EPS8: variants seen among roughly 807,000 people sequenced by gnomAD.
The protein encoded by EPS8 is EGFR pathway substrate 8, signaling adaptor, also known as epidermal growth factor receptor kinase substrate 8.
Under a neutral mutation model 103.8 loss-of-function variants are expected in EPS8, and 42 were observed. The observed-to-expected ratio is 0.40, with a 90% CI of 0.32 to 0.52. The LOEUF is 0.52. EPS8 is among the 20% of genes least tolerant of loss of function. The pLI is 0.40. For synonymous variants in EPS8, 344 were observed against 344.6 expected, an observed-to-expected ratio of 1.00 and a Z score of 0.02; for missense variants, 969 against 1,005.1, an observed-to-expected ratio of 0.96 and a Z score of 0.49.
chr12:15,665,831 G>A lies in EPS8; in HGVS notation c.661C>T (p.Pro221Ser), dbSNP rs1945698532. The change falls in exon 8 of 21, where the codon CCT becomes TCT. Residue 221 changes from proline (P) to serine (S), a missense_variant. Coordinates refer to ENST00000281172, the MANE Select transcript of EPS8 (RefSeq NM_004447.6). ...ACATCCACCTGGGTGACGGTCCCAG[G>A]GGGCGCAGGGGCAGGAGCTCTGGGT... Reference protein sequence around the residue: ...PPPRAPAPAPPGTVTQVDVRS... With the variant: ...PPPRAPAPAPSGTVTQVDVRS... 3.1e-6 allele frequency: 5 copies of A among 1,613,946 alleles called. No individual in the cohort carries two copies. Among genetic ancestry groups the A allele is most frequent in the African/African-American group, 2.7e-5 (2 of 75,048 alleles).
At chr12:15,775,066 G>A (rs1947194608) in intron 1 of EPS8, among the ~76,000 whole-genome samples, 1 of 152,106 alleles carries the variant, frequency 6.6e-6, no homozygotes, top group Non-Finnish European at 1.5e-5. Context: ...TTTGAGAGGT[G>A]TGTTAGAATG....
At chr12:15,640,899 G>A (rs760424229) in intron 16 of EPS8, 53 bp from the exon 17 acceptor site, 43 of 1,562,512 alleles carry the variant, frequency 2.8e-5, no homozygotes, top group Non-Finnish European at 2.9e-5. Flanking sequence ...GCCATTCTAC[G>A]AAAGAAGTTC....
intron 19 of EPS8, 58 bp downstream of exon 19, chr12:15,624,169 A>G: frequency 7.1e-7 from 1 of 1,405,708 alleles, no homozygotes; most frequent in Non-Finnish European, 1.0e-6. Flanking sequence ...AACTAAGCAA[A>G]TTGAAAACAA....
chr12:15,685,361 G>GA (rs925703949), intron 1 of EPS8, among the ~76,000 whole-genome samples: 7 of 149,922 alleles, frequency 4.7e-5, no homozygotes, highest in Admixed American at 1.3e-4. Context: ...TTCCAAAACT[G>GA]AAAAAAAAAG....
At chr12:15,680,410 G>C (rs1945984895) in intron 3 of EPS8, among the ~76,000 whole-genome samples, 1 of 152,128 alleles carries the variant, frequency 6.6e-6, no homozygotes, top group Admixed American at 6.5e-5. Flanking sequence ...TATTTTGCAT[G>C]TACTAACTTA....
rs1946644172 is a variant in EPS8, at chr12:15,725,599, C to T, written c.-21-42627G>A. Among the ~76,000 whole-genome samples the T allele has an allele frequency of 6.6e-6, 1 of 152,050 alleles. No homozygotes were observed. The highest frequency in any genetic ancestry group is 1.5e-5 in the Non-Finnish European group (1 of 68,014). On this transcript the variant is annotated intron_variant, in intron 1 of 20. Transcript: ENST00000281172. The surrounding 1 kb of genome is among the most constrained non-coding windows in gnomAD (Gnocchi z 4.5). ...TATGAAAAATTCTAAAATACGGTGA[C>T]ACAATGGGTCTTCATCATATGGTGA...
At chr12:15,724,222 A>G (rs992957179) in intron 1 of EPS8, among the ~76,000 whole-genome samples, 1 of 152,106 alleles carries the variant, frequency 6.6e-6, no homozygotes, top group Non-Finnish European at 1.5e-5. Flanking sequence ...TCTTTCAAAG[A>G]CTTCAACATT....
chr12:15,753,684 A>T (rs1451831053), intron 1 of EPS8, among the ~76,000 whole-genome samples: 2 of 152,198 alleles, frequency 1.3e-5, no homozygotes, highest in East Asian at 3.8e-4. Context: ...ATAATGATAT[A>T]TATAATACAT....
chr12:15,656,821 T>A (rs1945515370), intron 12 of EPS8, among the ~76,000 whole-genome samples: 1 of 152,154 alleles, frequency 6.6e-6, no homozygotes, highest in African/African-American at 2.4e-5. Flanking sequence ...TCTTAGTTAA[T>A]CATCACTCCA....
In EPS8 at chr12:15,762,234, A is replaced by T. The variant is rs1487714188; in HGVS notation, c.-22+26927T>A. ...AAATGCAAATTAAAACTACAATAAGATATCATCTCATGCTAGTTAAGATGG... is the reference window on the plus strand; with the variant it reads ...AAATGCAAATTAAAACTACAATAAGTTATCATCTCATGCTAGTTAAGATGG... On this transcript the variant is annotated intron_variant, in intron 1 of 20. Coordinates refer to ENST00000281172, the MANE Select transcript of EPS8 (RefSeq NM_004447.6). This position sits in a 1 kb window ranked among gnomAD's most constrained non-coding sequence, Gnocchi z 4.8. Among the ~76,000 whole-genome samples the T allele has an allele frequency of 6.6e-6, 1 of 152,156 alleles. No individual in the cohort carries two copies. Among genetic ancestry groups the T allele is most frequent in the African/African-American group, 2.4e-5 (1 of 41,432 alleles).
rs986726562 is a variant in EPS8, at chr12:15,695,640, A to C, written c.-21-12668T>G. 4.6e-5 allele frequency among the ~76,000 whole-genome samples: 7 copies of C among 152,326 alleles called. No homozygotes were observed. In the East Asian group the frequency reaches 1.4e-3, roughly 29 times the overall value. On this transcript the variant is annotated intron_variant, in intron 1 of 20. Transcript: ENST00000281172. The surrounding 1 kb of genome is among the most constrained non-coding windows in gnomAD (Gnocchi z 5.0). ...GGTTAGCAAAACAGACAGGGTTCCTACCTTCATGGAGCTTACAATCTAGAG... is the reference window on the plus strand; with the variant it reads ...GGTTAGCAAAACAGACAGGGTTCCTCCCTTCATGGAGCTTACAATCTAGAG...
At chr12:15,707,284 T>A (rs1374848128) in intron 1 of EPS8, among the ~76,000 whole-genome samples, 4 of 152,216 alleles carry the variant, frequency 2.6e-5, no homozygotes, top group African/African-American at 9.6e-5. Context: ...TCTGTCAATA[T>A]TCTTCATTTT....
At chr12:15,627,409 G>A (rs1944968370) in intron 18 of EPS8, among the ~76,000 whole-genome samples, 1 of 151,988 alleles carries the variant, frequency 6.6e-6, no homozygotes, top group Non-Finnish European at 1.5e-5. Context: ...ACGTGGAACG[G>A]TGCTTTAATT....
chr12:15,654,057 G>T, intron 13 of EPS8, 88 bp downstream of exon 13: 1 of 1,271,022 alleles, frequency 7.9e-7, no homozygotes, highest in Non-Finnish European at 1.1e-6. Flanking sequence ...TTAGTCCTTC[G>T]TATGTAGAAG....
In EPS8 at chr12:15,731,880, GA is replaced by G. The variant is rs982763691; in HGVS notation, c.-21-48909del. Among the ~76,000 whole-genome samples, 1 of 152,036 alleles carries G rather than the reference GA, an allele frequency of 6.6e-6. No individual in the cohort carries two copies. Among genetic ancestry groups the G allele is most frequent in the Non-Finnish European group, 1.5e-5 (1 of 68,010 alleles). On this transcript the variant is annotated intron_variant, in intron 1 of 20. Transcript: ENST00000281172. This position sits in a 1 kb window ranked among gnomAD's most constrained non-coding sequence, Gnocchi z 5.1. ...GTGCATGTGTGTGTGTAGGCAAAAG[GA>G]AGCTGGGTGGTTAATCACTATATAT...
rs1220051058 is a variant in EPS8, at chr12:15,662,485, T to A, written c.737-386A>T. On this transcript the variant is annotated intron_variant, in intron 8 of 20. Coordinates refer to ENST00000281172, the MANE Select transcript of EPS8 (RefSeq NM_004447.6). Reference sequence around the variant, plus strand: ...CAAAAGCTGGTCAACTAAGTTCTAATGCAACAGAGCTATAATTTTTATACA... The same window carrying A: ...CAAAAGCTGGTCAACTAAGTTCTAAAGCAACAGAGCTATAATTTTTATACA... The A allele has an allele frequency of 5.0e-6, 5 of 998,762 alleles. No individual in the cohort carries two copies. In the South Asian group the frequency reaches 2.3e-4, roughly 45 times the overall value. The allele number at this position is 998,762 out of a possible 1,614,324, so 61.9% of individuals were successfully genotyped here.
rs1429950374 is a variant in EPS8, at chr12:15,731,703, C to T, written c.-21-48731G>A. On this transcript the variant is annotated intron_variant, in intron 1 of 20. Transcript: ENST00000281172. This position sits in a 1 kb window ranked among gnomAD's most constrained non-coding sequence, Gnocchi z 5.1. ...AGAAGATTTTTTTCTAGTATTCTTG[C>T]ATAAAAATATTTCATTTTGTCTTCG... Among the ~76,000 whole-genome samples, 2 of 152,132 alleles carry T rather than the reference C, an allele frequency of 1.3e-5. No individual in the cohort carries two copies. The highest frequency in any genetic ancestry group is 2.9e-5 in the Non-Finnish European group (2 of 68,026).
intron 1 of EPS8, among the ~76,000 whole-genome samples, chr12:15,763,552 C>A (rs1452125238): frequency 6.6e-6 from 1 of 152,184 alleles, no homozygotes; most frequent in Non-Finnish European, 1.5e-5. Context: ...AGCTTCACAA[C>A]AAGGGGCCTC....
At chr12:15,705,490 A>G (rs1340902535) in intron 1 of EPS8, among the ~76,000 whole-genome samples, 1 of 152,178 alleles carries the variant, frequency 6.6e-6, no homozygotes, top group Non-Finnish European at 1.5e-5. Context: ...GGTTTAAAAA[A>G]AATCTGTTCA....
Sources: allele counts gnomAD v4.1 joint callset (sites outside exome capture counted in the v4.1 genomes callset), GRCh38; gene constraint gnomAD v4.1.1; non-coding constraint Gnocchi (gnomAD v3.1); transcripts MANE v1.5; gene names NCBI Gene and HGNC (gene_info 2026-07-23, HGNC 2026-07-21).